The following CSMD1 variants were observed in gnomAD, a reference collection of about 807,000 sequenced individuals.
The protein encoded by CSMD1 is CUB and Sushi multiple domains 1.
CSMD1 carries 213 observed loss-of-function variants against 417.5 expected under a neutral mutation model. That is an observed-to-expected ratio of 0.51 (90% confidence interval 0.46 to 0.57). CSMD1 has a LOEUF of 0.57. CSMD1 is among the 20% of genes least tolerant of loss of function. CSMD1 has a pLI of 0.00. For missense variants in CSMD1, 6,923 were observed against 4,529.7 expected (o/e 1.53, Z -15.17); for synonymous variants, 2,862 against 1,736.8 (o/e 1.65, Z -16.11).
intron 1 of CSMD1, among the ~76,000 whole-genome samples, chr8:4,785,896 C>T (rs1471174893): frequency 2.0e-5 from 3 of 152,126 alleles, no homozygotes; most frequent in Admixed American, 6.5e-5. Context: ...TTAACCCAAA[C>T]AGTGACAGCA....
chr8:4,852,269 T>C (rs1160363996), intron 1 of CSMD1, among the ~76,000 whole-genome samples: 5 of 152,164 alleles, frequency 3.3e-5, no homozygotes, highest in Admixed American at 3.3e-4. Context: ...AGGTGGGGCC[T>C]TGTGGGAGGT....
At chr8:4,309,279 T>G (rs1164546850) in intron 3 of CSMD1, among the ~76,000 whole-genome samples, 1 of 152,120 alleles carries the variant, frequency 6.6e-6, no homozygotes, top group Non-Finnish European at 1.5e-5. Context: ...TTCAGCTTCT[T>G]CAGATACAAT....
intron 1 of CSMD1, among the ~76,000 whole-genome samples, chr8:4,875,297 T>C (rs965747016): frequency 1.3e-5 from 2 of 152,076 alleles, no homozygotes; most frequent in Non-Finnish European, 2.9e-5. Context: ...TGATTCTCAG[T>C]TCGAAAATAT....
chr8:4,089,089 T>C (rs545945399), intron 3 of CSMD1, among the ~76,000 whole-genome samples: 5 of 152,192 alleles, frequency 3.3e-5, no homozygotes, highest in Admixed American at 6.5e-5. Context: ...TAGTACCATG[T>C]AGGATTCAGG....
In CSMD1 at chr8:3,274,824, G is replaced by C. The variant is rs561709470; in HGVS notation, c.4153+9320C>G. Among the ~76,000 whole-genome samples the C allele has an allele frequency of 3.5e-3, 533 of 152,108 alleles. 2 individuals are homozygous for C. Among genetic ancestry groups the C allele is most frequent in the Non-Finnish European group, 6.4e-3 (437 of 67,988 alleles). On this transcript the variant is annotated intron_variant, in intron 26 of 69. Transcript: ENST00000635120. ...TTTCATTTTGAGCCTATGTGTGTCT[G>C]TACCCGTGAGATGTGTTTCCTGAAT...
rs141451052 is a variant in CSMD1, at chr8:4,643,740, A to G, written c.86-6182T>C. On this transcript the variant is annotated intron_variant, in intron 1 of 69. Coordinates refer to ENST00000635120, the MANE Select transcript of CSMD1 (RefSeq NM_033225.6). ...TCAAATATGCATTAAATTCTGCATT[A>G]TCTTCTACAGTTTCAGGGGTTATTC... 2.7e-4 allele frequency among the ~76,000 whole-genome samples: 41 copies of G among 152,314 alleles called. No homozygotes were observed. The East Asian group carries it at 6.6e-3, about 24-fold the overall frequency.
intron 2 of CSMD1, among the ~76,000 whole-genome samples, chr8:4,509,143 C>G (rs192464770): frequency 6.6e-6 from 1 of 152,108 alleles, no homozygotes; most frequent in East Asian, 1.9e-4. Flanking sequence ...AAACAATAGA[C>G]CTTTTAGGGA....
rs186933303 is a variant in CSMD1, at chr8:4,726,708, A to G, written c.86-89150T>C. Among the ~76,000 whole-genome samples the G allele has an allele frequency of 2.8e-3, 424 of 152,258 alleles. 2 individuals are homozygous for G. The highest frequency in any genetic ancestry group is 9.3e-3 in the African/African-American group (386 of 41,560). ...TATTTCATCAGTTCTAATTTTATTC[A>G]TTCTCCTTCTGGAACTTTCACTTCA... On this transcript the variant is annotated intron_variant, in intron 1 of 69. Coordinates refer to ENST00000635120, the MANE Select transcript of CSMD1 (RefSeq NM_033225.6).
At chr8:4,243,813 T>C (rs575656148) in intron 3 of CSMD1, among the ~76,000 whole-genome samples, 2 of 152,352 alleles carry the variant, frequency 1.3e-5, no homozygotes, top group African/African-American at 4.8e-5. Context: ...AGGTCATCTT[T>C]ACAATGAAAC....
At chr8:3,255,239 C>A (rs1457644323) in intron 26 of CSMD1, among the ~76,000 whole-genome samples, 1 of 151,936 alleles carries the variant, frequency 6.6e-6, no homozygotes, top group Non-Finnish European at 1.5e-5. Flanking sequence ...AAGTTTTTCT[C>A]AGGGGTGTAC....
At chr8:3,537,486 C>G (rs1014221469) in intron 10 of CSMD1, among the ~76,000 whole-genome samples, 4 of 152,276 alleles carry the variant, frequency 2.6e-5, no homozygotes, top group African/African-American at 9.6e-5. Flanking sequence ...GTGATTTCCT[C>G]AGGAATTTAA....
chr8:3,771,111 A>G (rs1167850528), intron 5 of CSMD1, among the ~76,000 whole-genome samples: 1 of 151,884 alleles, frequency 6.6e-6, no homozygotes, highest in East Asian at 1.9e-4. Flanking sequence ...ATCTTGAAAA[A>G]CTGTATCCAA....
intron 44 of CSMD1, 84 bp from the exon 45 acceptor site, chr8:3,107,882 G>C: frequency 1.2e-6 from 1 of 867,416 alleles, no homozygotes; most frequent in Non-Finnish European, 1.8e-6. Context: ...TCATCTTGCA[G>C]TTGTTATAAT....
At chr8:4,664,058 G>C (rs999909402) in intron 1 of CSMD1, among the ~76,000 whole-genome samples, 3 of 152,134 alleles carry the variant, frequency 2.0e-5, no homozygotes, top group African/African-American at 7.2e-5. Context: ...TCGCCTCTGT[G>C]AACTGTGTGG....
intron 2 of CSMD1, among the ~76,000 whole-genome samples, chr8:4,579,920 G>A (rs1473503449): frequency 1.3e-5 from 2 of 152,068 alleles, no homozygotes; most frequent in African/African-American, 2.4e-5. Context: ...TTTAACTCCA[G>A]ATGCATAGCT....
At chr8:3,012,940 A>AC (rs1808514950) in intron 52 of CSMD1, among the ~76,000 whole-genome samples, 1 of 152,186 alleles carries the variant, frequency 6.6e-6, no homozygotes, top group Non-Finnish European at 1.5e-5. Context: ...AATAAGTCTC[A>AC]CAAGATCCAA....
At chr8:4,551,760 C>A (rs543683555) in intron 2 of CSMD1, among the ~76,000 whole-genome samples, 2 of 152,146 alleles carry the variant, frequency 1.3e-5, no homozygotes, top group African/African-American at 4.8e-5. Flanking sequence ...TCATAGCTCA[C>A]TGCAACCTCT....
chr8:4,797,420 C>A (rs560575618), intron 1 of CSMD1, among the ~76,000 whole-genome samples: 1 of 152,250 alleles, frequency 6.6e-6, no homozygotes, highest in Admixed American at 6.5e-5. Flanking sequence ...AAGCTGAAAA[C>A]AGCAAAAGCA....
chr8:3,932,352 G>C (rs1202586981), intron 5 of CSMD1, among the ~76,000 whole-genome samples: 3 of 150,548 alleles, frequency 2.0e-5, no homozygotes, highest in Admixed American at 1.3e-4. Context: ...TCTGCGACTA[G>C]AGGAATGAAT....
Sources: allele counts gnomAD v4.1 joint callset (sites outside exome capture counted in the v4.1 genomes callset), GRCh38; gene constraint gnomAD v4.1.1; transcripts MANE v1.5; gene names NCBI Gene and HGNC (gene_info 2026-07-23, HGNC 2026-07-21).